ZMYM1: variants seen among roughly 807,000 people sequenced by gnomAD.
ZMYM1 encodes the protein zinc finger MYM-type protein 1.
ZMYM1 carries 39 observed loss-of-function variants against 60.0 expected under a neutral mutation model. The ratio of observed to expected loss-of-function variants is 0.65; its 90% confidence interval spans 0.50 to 0.85. The LOEUF (loss-of-function observed/expected upper bound fraction) is 0.85, where lower values mean the gene tolerates loss of function less well. Among genes scored for constraint, ZMYM1 ranks in the 40% least tolerant of loss-of-function variants. The pLI is 0.00. For synonymous variants in ZMYM1, 413 were observed against 454.0 expected, an observed-to-expected ratio of 0.91 and a Z score of 1.15; for missense variants, 1,171 against 1,309.5, an observed-to-expected ratio of 0.89 and a Z score of 1.63.
At chr1:35,103,891 G>A (rs535666187) in intron 4 of ZMYM1, among the ~76,000 whole-genome samples, 4 of 152,164 alleles carry the variant, frequency 2.6e-5, no homozygotes, top group South Asian at 2.1e-4. Flanking sequence ...ATCATCCCTC[G>A]GTTTTCACTA....
In ZMYM1 at chr1:35,113,167, T is replaced by A. The variant is rs1446258332; in HGVS notation, c.1337T>A (p.Val446Glu). The change falls in exon 10 of 10, where the codon GTA becomes GAA. Residue 446 changes from valine (V) to glutamate (E), a missense_variant. Val to Glu is a moderately radical substitution (Grantham distance 121). Coordinates refer to ENST00000359858, the MANE Select transcript of ZMYM1 (RefSeq NM_024772.5). ...ELCHPKCTSKVQKVKGKSRSI... is the reference protein window; with the variant it reads ...ELCHPKCTSKEQKVKGKSRSI... ...TGTCACCCAAAATGTACATCCAAAG[T>A]ACAAAAAGTTAAAGGTAAATCACGA... 3 of 1,613,552 alleles carry A rather than the reference T, an allele frequency of 1.9e-6. No homozygotes were observed. The highest frequency in any genetic ancestry group is 2.7e-5 in the African/African-American group (2 of 74,894).
chr1:35,066,354 C>T (rs566767051), intron 1 of ZMYM1, among the ~76,000 whole-genome samples: 4 of 152,242 alleles, frequency 2.6e-5, no homozygotes, highest in African/African-American at 9.6e-5. Context: ...CACGCCACCA[C>T]GCCCAGCTAA....
At position 35,111,661 on chromosome 1, in the gene ZMYM1, A is replaced by G. The variant is rs1570037315; in HGVS notation, c.962-111A>G. ...ATAAAAATTACTTCAGTACCTACCA[A>G]TTCCTTAAGCTATTAGATGCTTGCA... is the stretch of plus-strand genomic sequence containing the variant. On this transcript the variant is annotated intron_variant, in intron 7 of 9. Coordinates refer to ENST00000359858, the MANE Select transcript of ZMYM1 (RefSeq NM_024772.5). 1.7e-5 allele frequency: 18 copies of G among 1,052,480 alleles called. No individual in the cohort carries two copies. In the East Asian group the frequency reaches 3.9e-4, roughly 23 times the overall value. 65.2% of individuals were successfully genotyped at this position (1,052,480 alleles called of 1,614,324 possible). A position where few individuals can be genotyped will look rare whatever the true frequency, so the allele number is the denominator to read the frequency against.
chr1:35,088,209 G>C (rs1243588449), intron 1 of ZMYM1, among the ~76,000 whole-genome samples: 1 of 151,870 alleles, frequency 6.6e-6, no homozygotes, highest in African/African-American at 2.4e-5. Flanking sequence ...CACAAGGTCA[G>C]GTGATCGAGA....
intron 1 of ZMYM1, among the ~76,000 whole-genome samples, chr1:35,090,530 G>GCATT (rs1642939813): frequency 6.6e-6 from 1 of 151,874 alleles, no homozygotes; most frequent in Admixed American, 6.6e-5. Context: ...GAACTTTAAT[G>GCATT]AAAAAAGAAA....
chr1:35,088,452 ATATGTGTGTGTGTGTGTGTG>A (rs1642795688), intron 1 of ZMYM1, among the ~76,000 whole-genome samples: 1 of 101,664 alleles, frequency 9.8e-6, no homozygotes, highest in African/African-American at 4.9e-5. Flanking sequence ...ATATATATAT[ATATGTGTGTGTGTGTGTGTG>A]TGTGTGTGTG....
At chr1:35,117,402 C>T (rs905281571), downstream of ZMYM1, among the ~76,000 whole-genome samples, 3 of 152,064 alleles carry the variant, frequency 2.0e-5, no homozygotes. Flanking sequence ...TCACTGCAAC[C>T]TCCACCTCGC....
At chr1:35,088,377 C>G (rs181154116) in intron 1 of ZMYM1, among the ~76,000 whole-genome samples, 129 of 149,056 alleles carry the variant, frequency 8.7e-4, no homozygotes, top group Admixed American at 8.6e-3. Context: ...GTGATCGTAC[C>G]GCTGCACTCC....
chr1:35,090,754 C>A (rs1642953306), intron 1 of ZMYM1, among the ~76,000 whole-genome samples: 3 of 152,094 alleles, frequency 2.0e-5, no homozygotes, highest in South Asian at 4.2e-4. Flanking sequence ...CGAGACCAGC[C>A]TGACCAACAT....
chr1:35,062,569 C>A (rs1641895000), intron 1 of ZMYM1, among the ~76,000 whole-genome samples: 1 of 152,228 alleles, frequency 6.6e-6, no homozygotes. Flanking sequence ...AGATACCAGG[C>A]ACAGGTTTGT....
At chr1:35,071,031 T>G (rs1489006872) in intron 1 of ZMYM1, among the ~76,000 whole-genome samples, 1 of 151,996 alleles carries the variant, frequency 6.6e-6, no homozygotes, top group Non-Finnish European at 1.5e-5. Flanking sequence ...ATTACAGGTG[T>G]GCGCCACCAC....
Position 35,086,661 on chromosome 1 carries a change from ATTTTTTTTTCAATTAAAAAATTC to A in ZMYM1, c.-75+7230_-74-7220del, listed in dbSNP as rs1642670906. On this transcript the variant is annotated intron_variant, in intron 1 of 9. Coordinates refer to ENST00000359858, the MANE Select transcript of ZMYM1 (RefSeq NM_024772.5). ...TTATATTTCATTGAAATCTCATGCA[ATTTTTTTTTCAATTAAAAAATTC>A]TTTTTTTTTCTTTTGAGATGCAGTT... is the stretch of plus-strand genomic sequence containing the variant. 2.0e-5 allele frequency among the ~76,000 whole-genome samples: 3 copies of A among 150,020 alleles called. No homozygotes were observed. In the South Asian group the frequency reaches 6.3e-4, roughly 32 times the overall value.
intron 1 of ZMYM1, among the ~76,000 whole-genome samples, chr1:35,080,910 C>T (rs2148487138): frequency 6.6e-6 from 1 of 151,204 alleles, no homozygotes; most frequent in African/African-American, 2.4e-5. Flanking sequence ...TCCCATCAGG[C>T]TAGTAAAAGA....
chr1:35,093,438 A>G (rs1353717280), intron 1 of ZMYM1: 2 of 152,488 alleles, frequency 1.3e-5, no homozygotes, highest in Admixed American at 6.6e-5. Context: ...AGCTGGGATT[A>G]CAGGTATGTG....
At chr1:35,067,136 G>A (rs985568768) in intron 1 of ZMYM1, among the ~76,000 whole-genome samples, 2 of 151,996 alleles carry the variant, frequency 1.3e-5, no homozygotes, top group Non-Finnish European at 2.9e-5. Flanking sequence ...ACGCCACTAC[G>A]CCTGGCTAAT....
At chr1:35,087,500 C>T (rs1043934844) in intron 1 of ZMYM1, among the ~76,000 whole-genome samples, 9 of 151,356 alleles carry the variant, frequency 5.9e-5, no homozygotes, top group Non-Finnish European at 1.0e-4. Flanking sequence ...AGTCTCAGTT[C>T]ACTGCAACCT....
chr1:35,067,040 G>A (rs1045885038), intron 1 of ZMYM1, among the ~76,000 whole-genome samples: 4 of 152,280 alleles, frequency 2.6e-5, no homozygotes, highest in Non-Finnish European at 2.9e-5. Flanking sequence ...GTGCAGTGGT[G>A]CAATCTCGGC....
chr1:35,079,210 G>T (rs916648574), upstream of ZMYM1: 2 of 152,246 alleles, frequency 1.3e-5, no homozygotes, highest in African/African-American at 2.4e-5. Flanking sequence ...AGCCAGCGAC[G>T]ACTTCAAGGG....
Position 35,104,621 on chromosome 1 carries a change from AG to A in ZMYM1, c.660del (p.Lys220AsnfsTer10). 6.2e-7 allele frequency: 1 copy of A among 1,614,230 alleles called. No individual in the cohort carries two copies. Among genetic ancestry groups the A allele is most frequent in the East Asian group, 2.2e-5 (1 of 44,872 alleles). On this transcript the variant is annotated frameshift_variant, in exon 6 of 10. Transcript: ENST00000359858. LOFTEE classifies it high-confidence loss of function. ...HNLCSNACLS[K>X]FHSANNFIMN... ...CTTTGCAGTAATGCCTGCCTTTCAA[AG>A]TTTCACTCTGCTAACAACTTCATCA...
Sources: gnomAD v4.1 joint callset for allele counts (sites outside exome capture counted in the v4.1 genomes callset) on GRCh38, gnomAD v4.1.1 for gene constraint, MANE v1.5 for transcripts, NCBI Gene and HGNC (gene_info 2026-07-23, HGNC 2026-07-21) for gene names.